Variants in CLSTN2 observed in about 807,000 individuals in gnomAD.
The protein encoded by CLSTN2 is calsyntenin-2.
Under a neutral mutation model 101.2 loss-of-function variants are expected in CLSTN2, and 48 were observed. The observed-to-expected ratio is 0.47, with a 90% CI of 0.38 to 0.60. The LOEUF (loss-of-function observed/expected upper bound fraction) is 0.60. CLSTN2 is among the 20% of genes least tolerant of loss of function. CLSTN2 has a pLI of 0.00. For synonymous variants in CLSTN2, 481 were observed against 463.6 expected (o/e 1.04, Z -0.48); for missense variants, 1,160 against 1,238.2 (o/e 0.94, Z 0.95).
At chr3:139,946,005 A>G (rs1385434652) in intron 1 of CLSTN2, among the ~76,000 whole-genome samples, 1 of 152,204 alleles carries the variant, frequency 6.6e-6, no homozygotes, top group Non-Finnish European at 1.5e-5. Flanking sequence ...TTCCATTTAT[A>G]TTGCACATTC....
intron 5 of CLSTN2, among the ~76,000 whole-genome samples, chr3:140,447,818 GAA>G (rs1474051100): frequency 1.3e-5 from 2 of 152,190 alleles, no homozygotes; most frequent in African/African-American, 4.8e-5. Flanking sequence ...AAAAAAAGGA[GAA>G]AGAGAAAACA....
At chr3:140,534,162 G>T (rs569659445) in intron 9 of CLSTN2, among the ~76,000 whole-genome samples, 1 of 152,252 alleles carries the variant, frequency 6.6e-6, no homozygotes, top group African/African-American at 2.4e-5. Flanking sequence ...CTAGAGAAAT[G>T]TTCCCCTGGT....
intron 10 of CLSTN2, among the ~76,000 whole-genome samples, chr3:140,548,687 G>A (rs1935652007): frequency 6.6e-6 from 1 of 152,108 alleles, no homozygotes; most frequent in Non-Finnish European, 1.5e-5. Flanking sequence ...AACAAAGCCA[G>A]TGTTATGAGT....
chr3:140,239,905 A>C (rs2086445209), intron 2 of CLSTN2, among the ~76,000 whole-genome samples: 1 of 125,058 alleles, frequency 8.0e-6, no homozygotes, highest in African/African-American at 2.9e-5. Flanking sequence ...ATACATACAC[A>C]CAAACACTCA....
intron 2 of CLSTN2, among the ~76,000 whole-genome samples, chr3:140,282,977 T>G (rs2107897893): frequency 6.6e-6 from 1 of 152,260 alleles, no homozygotes. Context: ...GATGGCTTTC[T>G]CAACTAAAAT....
At chr3:140,015,091 T>TA (rs1314496254) in intron 1 of CLSTN2, among the ~76,000 whole-genome samples, 1 of 152,148 alleles carries the variant, frequency 6.6e-6, no homozygotes, top group Admixed American at 6.5e-5. Context: ...GTGAGTCCCA[T>TA]AGGGGTGGTT....
intron 8 of CLSTN2, among the ~76,000 whole-genome samples, chr3:140,502,094 C>CA (rs1934587973): frequency 6.6e-6 from 1 of 152,140 alleles, no homozygotes; most frequent in Non-Finnish European, 1.5e-5. Context: ...GGGTATGGCA[C>CA]AAAATGTATG....
In CLSTN2 at chr3:140,570,225, A is replaced by G. The variant is rs2107798290; in HGVS notation, c.*3972A>G. 1 of 152,316 alleles carries G rather than the reference A, an allele frequency of 6.6e-6. No individual in the cohort carries two copies. Among genetic ancestry groups the G allele is most frequent in the African/African-American group, 2.4e-5 (1 of 41,572 alleles). 9.4% of individuals were successfully genotyped at this position (152,316 alleles called of 1,614,324 possible). A position where few individuals can be genotyped will look rare whatever the true frequency, so the allele number is the denominator to read the frequency against. ...CCTGTCACAGAATAGTCAGCCCTCCATATCTGAGGTTTCCAAATCCATGGA... is the reference window on the plus strand; with the variant it reads ...CCTGTCACAGAATAGTCAGCCCTCCGTATCTGAGGTTTCCAAATCCATGGA... On this transcript the variant is annotated 3_prime_UTR_variant, in exon 17 of 17. Transcript: ENST00000458420.
intron 1 of CLSTN2, among the ~76,000 whole-genome samples, chr3:140,162,886 A>G (rs1004108717): frequency 2.6e-5 from 4 of 152,232 alleles, no homozygotes; most frequent in Admixed American, 1.3e-4. Flanking sequence ...AAAATGTATC[A>G]TGCATTTGCT....
intron 1 of CLSTN2, among the ~76,000 whole-genome samples, chr3:140,130,856 A>T (rs992170445): frequency 1.4e-4 from 22 of 152,148 alleles, no homozygotes; most frequent in Non-Finnish European, 4.4e-5. Context: ...ATTCAGAGCA[A>T]TGCTTGGACC....
At chr3:139,943,642 A>T (rs928383443) in intron 1 of CLSTN2, among the ~76,000 whole-genome samples, 1 of 152,134 alleles carries the variant, frequency 6.6e-6, no homozygotes, top group South Asian at 2.1e-4. Flanking sequence ...TTCATGCCAC[A>T]TTCTGTAGTC....
chr3:140,425,427 A>G (rs1259436778), intron 5 of CLSTN2, among the ~76,000 whole-genome samples: 1 of 152,242 alleles, frequency 6.6e-6, no homozygotes, highest in East Asian at 1.9e-4. Context: ...AGCTATGCAC[A>G]GAAGGACATC....
intron 1 of CLSTN2, among the ~76,000 whole-genome samples, chr3:139,964,941 G>A (rs11927384): frequency 0.14 from 20,531 of 152,036 alleles, 1,500 homozygotes; most frequent in African/African-American, 0.17. Flanking sequence ...GCAGTAAGTT[G>A]ACAAATACCA....
intron 2 of CLSTN2, among the ~76,000 whole-genome samples, chr3:140,385,064 G>C (rs892071739): frequency 1.3e-5 from 2 of 152,172 alleles, no homozygotes; most frequent in South Asian, 4.1e-4. Flanking sequence ...TGCCTCTTTT[G>C]ACTCATCTGT....
At chr3:140,100,728 G>C (rs1377919104) in intron 1 of CLSTN2, among the ~76,000 whole-genome samples, 2 of 152,266 alleles carry the variant, frequency 1.3e-5, no homozygotes, top group East Asian at 1.9e-4. Context: ...GTGTACAGCA[G>C]AGGTGGGCTG....
At chr3:140,265,333 C>G (rs2086686435) in intron 2 of CLSTN2, among the ~76,000 whole-genome samples, 1 of 152,128 alleles carries the variant, frequency 6.6e-6, no homozygotes, top group African/African-American at 2.4e-5. Flanking sequence ...GGAGGAGGAG[C>G]CCCAAAGCCA....
chr3:140,395,955 G>A (rs1040553675), intron 2 of CLSTN2, among the ~76,000 whole-genome samples: 64 of 152,350 alleles, frequency 4.2e-4, no homozygotes, highest in African/African-American at 1.5e-3. Context: ...ATAAGAGCCA[G>A]CTATTTCCTC....
At chr3:140,193,261 G>GTTTTTTTTA (rs2010597643) in intron 2 of CLSTN2, among the ~76,000 whole-genome samples, 1 of 87,446 alleles carries the variant, frequency 1.1e-5, no homozygotes. Context: ...CTTTTTTATA[G>GTTTTTTTTA]TTTTTTTTTT....
intron 5 of CLSTN2, among the ~76,000 whole-genome samples, chr3:140,440,240 A>G (rs537161898): frequency 6.6e-6 from 1 of 152,342 alleles, no homozygotes. Context: ...CAGCAGTCAC[A>G]GCCCTGAGGC....
Sources: allele counts gnomAD v4.1 joint callset (sites outside exome capture counted in the v4.1 genomes callset), GRCh38; gene constraint gnomAD v4.1.1; transcripts MANE v1.5; gene names NCBI Gene and HGNC (gene_info 2026-07-23, HGNC 2026-07-21).